UBALD2: variants seen among roughly 807,000 people sequenced by gnomAD.
UBALD2 encodes UBA like domain containing 2.
In UBALD2, 8 loss-of-function variants were observed where a neutral mutation model predicts 15.9. The ratio of observed to expected loss-of-function variants is 0.50; its 90% CI spans 0.29 to 0.91. The LOEUF (loss-of-function observed/expected upper bound fraction) is 0.91. Among genes scored for constraint, UBALD2 ranks in the 40% least tolerant of loss-of-function variants. The pLI, the probability that UBALD2 is intolerant of heterozygous loss-of-function variation, is 0.07. For synonymous variants in UBALD2, 113 were observed against 97.7 expected, an observed-to-expected ratio of 1.16 and a Z score of -0.93; for missense variants, 178 against 234.8, an observed-to-expected ratio of 0.76 and a Z score of 1.58.
chr17:76,267,490 C>CTTT (rs55819046), intron 2 of UBALD2, among the ~76,000 whole-genome samples: 2,749 of 115,002 alleles, frequency 0.024, 136 homozygotes, highest in African/African-American at 0.089. Context: ...TTCATGGTTT[C>CTTT]TTTTTTTTTT....
chr17:76,270,013 G>C (rs766533640), intron 2 of UBALD2, among the ~76,000 whole-genome samples, 181 bp from the exon 3 acceptor site: 45 of 152,192 alleles, frequency 3.0e-4, no homozygotes, highest in Non-Finnish European at 5.7e-4. Flanking sequence ...CTTGGGTTTT[G>C]TCCTTGTTTT....
In UBALD2 at chr17:76,269,976, T is replaced by C. The variant is rs887840943; in HGVS notation, c.184-218T>C. 1.1e-4 allele frequency among the ~76,000 whole-genome samples: 16 copies of C among 152,204 alleles called. No individual in the cohort carries two copies. Among genetic ancestry groups the C allele is most frequent in the Admixed American group, 1.0e-3 (16 of 15,290 alleles). On this transcript the variant is annotated intron_variant, in intron 2 of 2. Coordinates refer to ENST00000327490, the MANE Select transcript of UBALD2 (RefSeq NM_182565.4). This position sits in a 1 kb window ranked among gnomAD's most constrained non-coding sequence, Gnocchi z 4.6. ...CTCGGGGTGTCATTTCCAGGCCTCA[T>C]GAAACCCCGTTGGTTTTGATAAGGT... is the stretch of plus-strand genomic sequence containing the variant.
At position 76,265,921 on chromosome 17, in the gene UBALD2, G is replaced by A. The variant is rs751198688; in HGVS notation, c.135G>A (p.Thr45=). ...TTTGTCCGCAGACCGCGCTGAGCACGTTCTTCCAAGAAACCAACATTCCCA... is the reference window on the plus strand; with the variant it reads ...TTTGTCCGCAGACCGCGCTGAGCACATTCTTCCAAGAAACCAACATTCCCA... ...AHWQFETALS[T]FFQETNIPNS... Residue 45 remains threonine (T), a synonymous_variant, in exon 2 of 3, where the codon ACG becomes ACA. Transcript: ENST00000327490. 6.2e-7 allele frequency: 1 copy of A among 1,604,630 alleles called. No homozygotes were observed. Among genetic ancestry groups the A allele is most frequent in the Admixed American group, 1.7e-5 (1 of 59,034 alleles).
At position 76,270,474 on chromosome 17, in the gene UBALD2, A is replaced by C. The variant is rs1322379223; in HGVS notation, c.464A>C (p.Lys155Thr). ...GCACAGCAGGGGGGCGCCCAGCAGA[A>C]AGCCATGGCGGCCATGGACGGCCAG... The part of the protein sequence containing the change: ...PGAQQGGAQQ[K>T]AMAAMDGQR Residue 155 changes from lysine to threonine, a missense_variant, in exon 3 of 3, where the codon AAA becomes ACA. By Grantham distance (78) the Lys-to-Thr change is moderately conservative (BLOSUM62 -1). Coordinates refer to ENST00000327490, the MANE Select transcript of UBALD2 (RefSeq NM_182565.4). The C allele has an allele frequency of 6.8e-7, 1 of 1,478,934 alleles. No homozygotes were observed. Among genetic ancestry groups the C allele is most frequent in the Non-Finnish European group, 8.9e-7 (1 of 1,117,674 alleles). The allele number at this position is 1,478,934 out of a possible 1,614,324, so 91.6% of individuals were successfully genotyped here.
intron 2 of UBALD2, among the ~76,000 whole-genome samples, chr17:76,266,328 C>T (rs1051355426): frequency 6.6e-6 from 1 of 152,088 alleles, no homozygotes; most frequent in Non-Finnish European, 1.5e-5. Flanking sequence ...CTGGGAAGCC[C>T]GCGCGAAGGG....
Position 76,270,060 on chromosome 17 carries a change from C to CT in UBALD2, c.184-133dup, listed in dbSNP as rs1162815761. 3 of 887,144 alleles carry CT rather than the reference C, an allele frequency of 3.4e-6. No homozygotes were observed. The African/African-American group carries it at 5.1e-5, about 15-fold the overall frequency. The allele number at this position is 887,144 out of a possible 1,614,324, so 55.0% of individuals were successfully genotyped here. On this transcript the variant is annotated intron_variant, in intron 2 of 2. Transcript: ENST00000327490. ...GCCTCGGGGAGAGGGCACTTTTGTC[C>CT]TGTGGAAGCTGCTTGTGCGAAAATG...
chr17:76,266,408 C>T (rs1190648259), intron 2 of UBALD2, among the ~76,000 whole-genome samples: 1 of 147,312 alleles, frequency 6.8e-6, no homozygotes, highest in Non-Finnish European at 1.5e-5. Context: ...TTTCCCCCCT[C>T]CCCCTCCACA....
Position 76,269,640 on chromosome 17 carries a change from C to A in UBALD2, c.184-554C>A, listed in dbSNP as rs574802986. Among the ~76,000 whole-genome samples the A allele has an allele frequency of 6.6e-6, 1 of 152,336 alleles. No individual in the cohort carries two copies. The highest frequency in any genetic ancestry group is 2.4e-5 in the African/African-American group (1 of 41,568). ...GTCATAAAGAGAGGATAATTGAAGC[C>A]ACTAAGTGTCATTGTTAAGGGAGGC... is the stretch of plus-strand genomic sequence containing the variant. On this transcript the variant is annotated intron_variant, in intron 2 of 2. Coordinates refer to ENST00000327490, the MANE Select transcript of UBALD2 (RefSeq NM_182565.4). This position sits in a 1 kb window ranked among gnomAD's most constrained non-coding sequence, Gnocchi z 4.6.
Position 76,265,950 on chromosome 17 carries a change from G to C in UBALD2, c.164G>C (p.Ser55Thr). The stretch of plus-strand genomic sequence containing the variant: ...TTCCAAGAAACCAACATTCCCAACA[G>C]CCACCACCACCACCAGATGGTAAGC... ...TFFQETNIPN[S>T]HHHHQMMCTP... Residue 55 changes from serine (S) to threonine (T), a missense_variant, in exon 2 of 3, where the codon AGC (serine) becomes ACC (threonine). Transcript: ENST00000327490. The C allele has an allele frequency of 6.3e-7, 1 of 1,597,558 alleles. No homozygotes were observed. Among genetic ancestry groups the C allele is most frequent in the Non-Finnish European group, 8.5e-7 (1 of 1,172,862 alleles).
rs565437088 is a variant in UBALD2, at chr17:76,265,891, C to T, written c.121-16C>T. ...CTCCGCCTGGCCCGCCGTGTCACTGCCCTGTTTGTCCGCAGACCGCGCTGA... is the reference window on the plus strand; with the variant it reads ...CTCCGCCTGGCCCGCCGTGTCACTGTCCTGTTTGTCCGCAGACCGCGCTGA... On this transcript the variant is annotated splice_polypyrimidine_tract_variant and intron_variant, in intron 1 of 2. Transcript: ENST00000327490. 12 of 1,600,272 alleles carry T rather than the reference C, an allele frequency of 7.5e-6. No homozygotes were observed. The African/African-American group carries it at 1.2e-4, about 16-fold the overall frequency.
rs2585751 is a variant in UBALD2, at chr17:76,265,596, T to A, written c.91T>A (p.Leu31Met). The change falls in exon 1 of 3, where the codon TTG (leucine) becomes ATG (methionine). Residue 31 changes from leucine (L) to methionine (M), a missense_variant. Coordinates refer to ENST00000327490, the MANE Select transcript of UBALD2 (RefSeq NM_182565.4). ...AGCAADQAKQ[L>M]LQAAHWQFET... is the part of the protein sequence containing the mutation. ...CTGCGCGGCCGACCAGGCGAAGCAG[T>A]TGCTGCAGGCGGCCCACTGGCAGTT... The A allele has an allele frequency of 7.6e-6, 10 of 1,318,916 alleles. No individual in the cohort carries two copies. The highest frequency in any genetic ancestry group is 8.9e-6 in the Non-Finnish European group (9 of 1,011,620). 81.7% of individuals were successfully genotyped at this position (1,318,916 alleles called of 1,614,324 possible). A position where few individuals can be genotyped will look rare whatever the true frequency, so the allele number is the denominator to read the frequency against.
chr17:76,266,093 C>T (rs2070543378), intron 2 of UBALD2, 124 bp downstream of exon 2: 2 of 1,278,118 alleles, frequency 1.6e-6, no homozygotes, highest in South Asian at 2.7e-5. Flanking sequence ...CAGGAAAGAG[C>T]GGCTCCCGGG....
Position 76,267,241 on chromosome 17 carries a change from A to G in UBALD2, c.183+1272A>G, listed in dbSNP as rs376475659. Among the ~76,000 whole-genome samples, 5 of 152,134 alleles carry G rather than the reference A, an allele frequency of 3.3e-5. No individual in the cohort carries two copies. In the East Asian group the frequency reaches 7.7e-4, roughly 23 times the overall value. On this transcript the variant is annotated intron_variant, in intron 2 of 2. Transcript: ENST00000327490. ...CCCAAAAAACTCAGAACTTCCAGAT[A>G]CTACAGCCATTCTGAGGGGCTGAGA...
Position 76,265,887 on chromosome 17 carries a change from A to C in UBALD2, c.121-20A>C. 1 of 1,598,972 alleles carries C rather than the reference A, an allele frequency of 6.3e-7. No homozygotes were observed. The highest frequency in any genetic ancestry group is 8.5e-7 in the Non-Finnish European group (1 of 1,173,604). ...CTGACTCCGCCTGGCCCGCCGTGTCACTGCCCTGTTTGTCCGCAGACCGCG... is the reference window on the plus strand; with the variant it reads ...CTGACTCCGCCTGGCCCGCCGTGTCCCTGCCCTGTTTGTCCGCAGACCGCG... On this transcript the variant is annotated intron_variant, in intron 1 of 2. Coordinates refer to ENST00000327490, the MANE Select transcript of UBALD2 (RefSeq NM_182565.4).
chr17:76,270,400 C>T lies in UBALD2; in HGVS notation c.390C>T (p.Pro130=). ...HQAPWIPPSS[P]TTFHHLHRPQ... is the part of the protein sequence containing the mutation. ...CGCCCTGGATCCCGCCCTCCTCCCC[C>T]ACCACCTTCCACCACCTCCACCGCC... The change falls in exon 3 of 3, where the codon CCC becomes CCT. Residue 130 remains proline (P), a synonymous_variant. Coordinates refer to ENST00000327490, the MANE Select transcript of UBALD2 (RefSeq NM_182565.4). The T allele has an allele frequency of 5.2e-6, 8 of 1,533,666 alleles. No homozygotes were observed. In the South Asian group the frequency reaches 7.2e-5, roughly 14 times the overall value.
chr17:76,268,826 C>A (rs751406091), intron 2 of UBALD2, among the ~76,000 whole-genome samples: 1 of 151,458 alleles, frequency 6.6e-6, no homozygotes, highest in Admixed American at 6.6e-5. Context: ...CTCCACCTCC[C>A]GGGTTCAAGT....
intron 2 of UBALD2, among the ~76,000 whole-genome samples, chr17:76,268,495 G>C (rs537292675): frequency 1.3e-5 from 2 of 151,812 alleles, no homozygotes; most frequent in Non-Finnish European, 2.9e-5. Flanking sequence ...GGGTGGGGGG[G>C]GGGCAGGGAG....
intron 2 of UBALD2, among the ~76,000 whole-genome samples, chr17:76,267,076 AG>A (rs1038684800): frequency 2.6e-5 from 4 of 152,124 alleles, no homozygotes; most frequent in African/African-American, 7.2e-5. Flanking sequence ...GAAACCCAAG[AG>A]GGTTTCATCT....
At position 76,267,609 on chromosome 17, in the gene UBALD2, C is replaced by A. The variant is rs549939007; in HGVS notation, c.183+1640C>A. Reference sequence around the variant, plus strand: ...CCTCAAGCTATCCTTCCGCCTCAGCCTCCCGAAGTGCTGGGATTATAGGTG... The same window carrying A: ...CCTCAAGCTATCCTTCCGCCTCAGCATCCCGAAGTGCTGGGATTATAGGTG... On this transcript the variant is annotated intron_variant, in intron 2 of 2. Coordinates refer to ENST00000327490, the MANE Select transcript of UBALD2 (RefSeq NM_182565.4). Among the ~76,000 whole-genome samples the A allele has an allele frequency of 9.2e-4, 140 of 151,656 alleles. 1 individual carries two copies. The highest frequency in any genetic ancestry group is 3.3e-3 in the African/African-American group (135 of 41,324).
Sources: gnomAD v4.1 joint callset for allele counts (sites outside exome capture counted in the v4.1 genomes callset) on GRCh38, gnomAD v4.1.1 for gene constraint, Gnocchi (gnomAD v3.1) non-coding constraint, MANE v1.5 for transcripts, NCBI Gene and HGNC (gene_info 2026-07-23, HGNC 2026-07-21) for gene names.